Variants in RASA2 observed in about 807,000 individuals in gnomAD.
The protein encoded by RASA2 is ras GTPase-activating protein 2.
Under a neutral mutation model 118.2 loss-of-function variants are expected in RASA2, and 155 were observed. That is an observed-to-expected ratio of 1.31 (90% CI 1.15 to 1.50). The LOEUF (loss-of-function observed/expected upper bound fraction) is 1.50. Among genes scored for constraint, RASA2 ranks in the 40% most tolerant of loss-of-function variants. The probability of loss-of-function intolerance (pLI) is 0.00; values close to 1 mark genes in which losing one functional copy is unlikely to be tolerated. For synonymous variants in RASA2, 353 were observed against 349.1 expected (o/e 1.01, Z -0.12); for missense variants, 1,016 against 1,009.6 (o/e 1.01, Z -0.09).
chr3:141,610,875 C>T (rs1449704428), intron 23 of RASA2, among the ~76,000 whole-genome samples: 1 of 151,702 alleles, frequency 6.6e-6, no homozygotes, highest in Non-Finnish European at 1.5e-5. Flanking sequence ...TTTTACTGAT[C>T]CTCCTTCTAC....
At chr3:141,548,471 A>G (rs2082521268) in intron 5 of RASA2, among the ~76,000 whole-genome samples, 1 of 151,916 alleles carries the variant, frequency 6.6e-6, no homozygotes, top group Admixed American at 6.6e-5. Flanking sequence ...TCTTTTTTTC[A>G]AAGTTTCTTA....
chr3:141,603,565 C>CT (rs1316067919), intron 19 of RASA2, among the ~76,000 whole-genome samples: 1 of 151,814 alleles, frequency 6.6e-6, no homozygotes, highest in African/African-American at 2.4e-5. Context: ...GAGCAAAACT[C>CT]TGTCTCAAAA....
intron 19 of RASA2, among the ~76,000 whole-genome samples, chr3:141,593,222 T>C (rs1034702902): frequency 1.3e-5 from 2 of 152,130 alleles, no homozygotes; most frequent in Admixed American, 1.3e-4. Context: ...TAATTTTGTA[T>C]TTTTAGTAGA....
chr3:141,547,053 C>T (rs964469813), intron 5 of RASA2, among the ~76,000 whole-genome samples: 12 of 152,158 alleles, frequency 7.9e-5, no homozygotes, highest in South Asian at 2.1e-4. Flanking sequence ...ATCTGTTGGT[C>T]TATGTGTCTG....
chr3:141,555,176 G>A (rs113959821), intron 6 of RASA2, among the ~76,000 whole-genome samples: 1 of 152,142 alleles, frequency 6.6e-6, no homozygotes, highest in Non-Finnish European at 1.5e-5. Context: ...CAGGAGAATC[G>A]CTTGAACCCT....
At chr3:141,509,893 T>G (rs2081924283) in intron 1 of RASA2, among the ~76,000 whole-genome samples, 1 of 152,242 alleles carries the variant, frequency 6.6e-6, no homozygotes, top group Admixed American at 6.5e-5. Flanking sequence ...ATTAAATTAA[T>G]CATTTAAAAG....
intron 15 of RASA2, among the ~76,000 whole-genome samples, chr3:141,577,653 C>T (rs1037975814): frequency 3.3e-5 from 5 of 151,988 alleles, no homozygotes; most frequent in Admixed American, 6.5e-5. Flanking sequence ...TATTAAATGG[C>T]AGGTGAACTG....
In RASA2 at chr3:141,559,925, C is replaced by T. The variant is rs1199502055; in HGVS notation, c.793C>T (p.Gln265Ter). 6.2e-7 allele frequency: 1 copy of T among 1,613,156 alleles called. No individual in the cohort carries two copies. Among genetic ancestry groups the T allele is most frequent in the Non-Finnish European group, 8.5e-7 (1 of 1,179,392 alleles). Residue 265 changes from glutamine to a stop codon, truncating the protein, a stop_gained, in exon 9 of 24, where the codon CAA becomes TAA. Coordinates refer to ENST00000286364, the MANE Select transcript of RASA2 (RefSeq NM_006506.5). LOFTEE classifies it high-confidence loss of function. Reference sequence around the variant, plus strand: ...CTTGTGGAACAATGGAAACCTAGTCCAAGATGTTTTCCTAGGTGAGATTAA... The same window carrying T: ...CTTGTGGAACAATGGAAACCTAGTCTAAGATGTTTTCCTAGGTGAGATTAA... ...IDLWNNGNLV[Q>*]DVFLGEIKVP...
chr3:141,508,852 A>G (rs1426064535), intron 1 of RASA2, among the ~76,000 whole-genome samples: 2 of 151,786 alleles, frequency 1.3e-5, no homozygotes, highest in Admixed American at 6.6e-5. Context: ...ATGCTCATTT[A>G]TATACCAGAA....
chr3:141,497,076 A>G (rs988241250), intron 1 of RASA2, among the ~76,000 whole-genome samples: 1 of 150,400 alleles, frequency 6.6e-6, no homozygotes, highest in Non-Finnish European at 1.5e-5. Context: ...CGAAAAACCA[A>G]ACACCACATG....
In RASA2 at chr3:141,566,063, A is replaced by G. The variant is rs112899713; in HGVS notation, c.864-4849A>G. On this transcript the variant is annotated intron_variant, in intron 9 of 23. Transcript: ENST00000286364. The stretch of plus-strand genomic sequence containing the variant: ...CCTTCCTCCTTCTATTTTTAAATGA[A>G]TTAATATATTAGAGGAGGTCATAGC... 2.9e-3 allele frequency among the ~76,000 whole-genome samples: 436 copies of G among 152,370 alleles called. 5 individuals carry two copies. The highest frequency in any genetic ancestry group is 0.01 in the African/African-American group (417 of 41,586).
chr3:141,562,047 G>A (rs2082736934), intron 9 of RASA2, among the ~76,000 whole-genome samples: 1 of 151,794 alleles, frequency 6.6e-6, no homozygotes, highest in Non-Finnish European at 1.5e-5. Context: ...CCACCTCCCG[G>A]GTTCAAGTGA....
At chr3:141,541,657 A>G (rs943857207) in intron 5 of RASA2, among the ~76,000 whole-genome samples, 11 of 152,060 alleles carry the variant, frequency 7.2e-5, no homozygotes, top group Non-Finnish European at 8.8e-5. Context: ...AACTGTCCCA[A>G]TGATGTCTAT....
At chr3:141,562,332 A>G (rs2082742334) in intron 9 of RASA2, among the ~76,000 whole-genome samples, 1 of 151,302 alleles carries the variant, frequency 6.6e-6, no homozygotes, top group Admixed American at 6.6e-5. Flanking sequence ...AAAAAAAAAA[A>G]AAAGAAATAG....
chr3:141,551,834 G>T (rs2082579775), intron 5 of RASA2, among the ~76,000 whole-genome samples: 1 of 151,938 alleles, frequency 6.6e-6, no homozygotes. Flanking sequence ...GTAAATTTTA[G>T]ATACTATATT....
At position 141,571,462 on chromosome 3, in the gene RASA2, T is replaced by C. The variant is rs1164283000; in HGVS notation, c.1077T>C (p.Asp359=). 1 of 1,613,568 alleles carries C rather than the reference T, an allele frequency of 6.2e-7. No individual in the cohort carries two copies. The highest frequency in any genetic ancestry group is 8.5e-7 in the Non-Finnish European group (1 of 1,179,728). The change falls in exon 11 of 24, where the codon GAT becomes GAC. Residue 359 remains aspartate (D), a synonymous_variant. Transcript: ENST00000286364. ...GTGAAATATGTCGAGATAAAAATGA[T>C]GCTGTTTTGCCCCTTGTACGACTGC... ...ILSEICRDKN[D]AVLPLVRLLL...
intron 19 of RASA2, among the ~76,000 whole-genome samples, chr3:141,594,225 A>T (rs1244703089): frequency 2.0e-5 from 3 of 152,184 alleles, no homozygotes; most frequent in African/African-American, 7.2e-5. Context: ...AGTAGAAATG[A>T]ACCAATCTAG....
chr3:141,560,730 T>C (rs1383223026), intron 9 of RASA2, among the ~76,000 whole-genome samples: 1 of 152,198 alleles, frequency 6.6e-6, no homozygotes. Flanking sequence ...TTGCCCAGCA[T>C]CTCTCTTGCT....
intron 1 of RASA2, among the ~76,000 whole-genome samples, chr3:141,505,206 C>T (rs1189867443): frequency 1.3e-5 from 2 of 152,166 alleles, no homozygotes; most frequent in African/African-American, 2.4e-5. Flanking sequence ...TTTGTCGTCC[C>T]TGTATATATT....
Sources: allele counts gnomAD v4.1 joint callset (sites outside exome capture counted in the v4.1 genomes callset), GRCh38; gene constraint gnomAD v4.1.1; transcripts MANE v1.5; gene names NCBI Gene and HGNC (gene_info 2026-07-23, HGNC 2026-07-21).